Variants in ZDHHC13 observed in about 807,000 individuals in gnomAD.
ZDHHC13 encodes palmitoyltransferase ZDHHC13.
ZDHHC13 carries 85 observed loss-of-function variants against 86.0 expected under a neutral mutation model. That is an observed-to-expected ratio of 0.99 (90% CI 0.83 to 1.18). The LOEUF (loss-of-function observed/expected upper bound fraction) is 1.18, where lower values mean the gene tolerates loss of function less well. Among genes scored for constraint, ZDHHC13 ranks in the 50% most tolerant of loss-of-function variants. The pLI, the probability that ZDHHC13 is intolerant of heterozygous loss-of-function variation, is 0.00. For missense variants in ZDHHC13, 711 were observed against 730.2 expected, an observed-to-expected ratio of 0.97 and a Z score of 0.30; for synonymous variants, 263 against 246.4, an observed-to-expected ratio of 1.07 and a Z score of -0.63.
intron 9 of ZDHHC13, among the ~76,000 whole-genome samples, chr11:19,157,014 C>T (rs1849774242): frequency 6.6e-6 from 1 of 152,264 alleles, no homozygotes; most frequent in African/African-American, 2.4e-5. Flanking sequence ...TACCTTCTTT[C>T]TCACACATCA....
At chr11:19,123,340 G>A (rs1360154794) in intron 1 of ZDHHC13, among the ~76,000 whole-genome samples, 1 of 152,064 alleles carries the variant, frequency 6.6e-6, no homozygotes, top group Non-Finnish European at 1.5e-5. Flanking sequence ...TAAACAAAGG[G>A]TCAGGGTGGG....
rs1221486065 is a variant in ZDHHC13, at chr11:19,157,739, T to C, written c.1008-1201T>C. Reference sequence around the variant, plus strand: ...CCTAGGATAGGAACATTTGAGATTATGTTTGGTTGTTCGTTTATTGTAGTT... The same window carrying C: ...CCTAGGATAGGAACATTTGAGATTACGTTTGGTTGTTCGTTTATTGTAGTT... On this transcript the variant is annotated intron_variant, in intron 9 of 16. Transcript: ENST00000446113. Among the ~76,000 whole-genome samples, 3 of 152,332 alleles carry C rather than the reference T, an allele frequency of 2.0e-5. No individual in the cohort carries two copies. The East Asian group carries it at 5.8e-4, about 29-fold the overall frequency.
At chr11:19,168,526 TC>T (rs1850134702) in intron 14 of ZDHHC13, 1 of 152,380 alleles carries the variant, frequency 6.6e-6, no homozygotes, top group Non-Finnish European at 1.5e-5. Context: ...ATAAGAACAG[TC>T]CCACCTTATA....
At chr11:19,158,896 A>T (rs1318875423) in intron 9 of ZDHHC13, 44 bp from the exon 10 acceptor site, 9 of 1,309,402 alleles carry the variant, frequency 6.9e-6, no homozygotes, top group Non-Finnish European at 9.3e-6. Context: ...ACTAAAATTA[A>T]TACAAGTCAT....
chr11:19,164,261 C>A, intron 11 of ZDHHC13, 40 bp from the exon 12 acceptor site: 1 of 1,595,916 alleles, frequency 6.3e-7, no homozygotes, highest in Non-Finnish European at 8.6e-7. Flanking sequence ...ATACATTTTC[C>A]AATAAAATGT....
At chr11:19,119,732 C>T (rs895683557) in intron 1 of ZDHHC13, among the ~76,000 whole-genome samples, 4 of 152,188 alleles carry the variant, frequency 2.6e-5, no homozygotes, top group African/African-American at 9.7e-5. Flanking sequence ...AATGTTAGTA[C>T]TATAGGGACA....
chr11:19,159,476 T>C (rs1849851019), intron 10 of ZDHHC13, among the ~76,000 whole-genome samples: 1 of 152,188 alleles, frequency 6.6e-6, no homozygotes, highest in Non-Finnish European at 1.5e-5. Flanking sequence ...TGATATTATC[T>C]AAGGCAATGA....
At chr11:19,161,652 G>A (rs1241657155) in intron 10 of ZDHHC13, among the ~76,000 whole-genome samples, 2 of 150,154 alleles carry the variant, frequency 1.3e-5, no homozygotes, top group African/African-American at 5.0e-5. Flanking sequence ...TTCAAACTCA[G>A]GAGAGAAATG....
chr11:19,162,501 C>G (rs533092605), intron 10 of ZDHHC13, among the ~76,000 whole-genome samples: 1 of 151,994 alleles, frequency 6.6e-6, no homozygotes, highest in Non-Finnish European at 1.5e-5. Context: ...CTTGGATACC[C>G]TAAAAGTGTG....
chr11:19,129,067 C>A (rs1414563924), intron 1 of ZDHHC13, among the ~76,000 whole-genome samples: 1 of 152,126 alleles, frequency 6.6e-6, no homozygotes, highest in South Asian at 2.1e-4. Flanking sequence ...TGATGTAACC[C>A]TCCCACTGAA....
chr11:19,118,012 T>C (rs1848684800), intron 1 of ZDHHC13: 1 of 152,264 alleles, frequency 6.6e-6, no homozygotes, highest in Admixed American at 6.5e-5. Flanking sequence ...CCTAGAGTAC[T>C]GACTAGTATA....
intron 1 of ZDHHC13, among the ~76,000 whole-genome samples, chr11:19,140,931 G>C: frequency 8.8e-6 from 1 of 113,070 alleles, no homozygotes; most frequent in East Asian, 3.2e-4. Context: ...TGGGGGGAGG[G>C]GGGAGGGATA....
At chr11:19,130,972 A>C (rs1848987095) in intron 1 of ZDHHC13, among the ~76,000 whole-genome samples, 1 of 151,202 alleles carries the variant, frequency 6.6e-6, no homozygotes, top group South Asian at 2.1e-4. Context: ...CAGCCTCCCT[A>C]GTAGCTGGGA....
At chr11:19,139,349 A>G (rs991174330) in intron 1 of ZDHHC13, among the ~76,000 whole-genome samples, 1 of 151,920 alleles carries the variant, frequency 6.6e-6, no homozygotes, top group African/African-American at 2.4e-5. Context: ...TAGCAATCCA[A>G]CTTACAAGGG....
rs144545116 is a variant in ZDHHC13, at chr11:19,149,730, A to G, written c.519+399A>G. ...GAGCCCAAATGGGAGGCCAATTTGAATATATGTTTCTTATTGTTCTCTAAA... is the reference window on the plus strand; with the variant it reads ...GAGCCCAAATGGGAGGCCAATTTGAGTATATGTTTCTTATTGTTCTCTAAA... On this transcript the variant is annotated intron_variant, in intron 5 of 16. Coordinates refer to ENST00000446113, the MANE Select transcript of ZDHHC13 (RefSeq NM_019028.3). Among the ~76,000 whole-genome samples the G allele has an allele frequency of 2.0e-5, 3 of 152,354 alleles. No homozygotes were observed. The East Asian group carries it at 5.8e-4, about 29-fold the overall frequency.
intron 11 of ZDHHC13, among the ~76,000 whole-genome samples, chr11:19,163,805 C>A (rs1205344519): frequency 6.6e-6 from 1 of 152,010 alleles, no homozygotes; most frequent in Non-Finnish European, 1.5e-5. Context: ...AGGAGATGCC[C>A]CTCCTCCTCC....
At chr11:19,134,735 A>G (rs1230131339) in intron 1 of ZDHHC13, among the ~76,000 whole-genome samples, 1 of 152,146 alleles carries the variant, frequency 6.6e-6, no homozygotes, top group Non-Finnish European at 1.5e-5. Flanking sequence ...GAGGGATAGC[A>G]TTAGGAGGAA....
chr11:19,117,202 C>T lies in ZDHHC13; in HGVS notation c.-48C>T. 2 of 1,529,554 alleles carry T rather than the reference C, an allele frequency of 1.3e-6. No individual in the cohort carries two copies. The highest frequency in any genetic ancestry group is 2.4e-5 in the South Asian group (2 of 83,658). 94.7% of individuals were successfully genotyped at this position (1,529,554 alleles called of 1,614,324 possible). A position where few individuals can be genotyped will look rare whatever the true frequency, so the allele number is the denominator to read the frequency against. On this transcript the variant is annotated 5_prime_UTR_variant, in exon 1 of 17. Coordinates refer to ENST00000446113, the MANE Select transcript of ZDHHC13 (RefSeq NM_019028.3). The surrounding 1 kb of genome is among the most constrained non-coding windows in gnomAD (Gnocchi z 4.2). ...CCAAGGCGGGCTGGCGGGCTGGCGGCAGTCGCTACTTGCCTAGTAGCCTCA... is the reference window on the plus strand; with the variant it reads ...CCAAGGCGGGCTGGCGGGCTGGCGGTAGTCGCTACTTGCCTAGTAGCCTCA...
At chr11:19,147,781 C>A (rs1041130587) in intron 4 of ZDHHC13, 108 bp downstream of exon 4, 11 of 745,280 alleles carry the variant, frequency 1.5e-5, no homozygotes, top group African/African-American at 5.5e-5. Flanking sequence ...TTCCCCCCCC[C>A]CCTTTATTTA....
Sources: allele counts gnomAD v4.1 joint callset (sites outside exome capture counted in the v4.1 genomes callset), GRCh38; gene constraint gnomAD v4.1.1; non-coding constraint Gnocchi (gnomAD v3.1); transcripts MANE v1.5; gene names NCBI Gene and HGNC (gene_info 2026-07-23, HGNC 2026-07-21).